C12orf42: variants seen among roughly 807,000 people sequenced by gnomAD.
C12orf42 encodes uncharacterized protein C12orf42.
In C12orf42, 25 loss-of-function variants were observed where a neutral mutation model predicts 21.6. The ratio of observed to expected loss-of-function variants is 1.16; its 90% CI spans 0.84 to 1.62. C12orf42 has a LOEUF of 1.62. Among genes scored for constraint, C12orf42 ranks in the 40% most tolerant of loss-of-function variants. The pLI is 0.00. For missense variants in C12orf42, 483 were observed against 459.3 expected, an observed-to-expected ratio of 1.05 and a Z score of -0.47; for synonymous variants, 174 against 175.0, an observed-to-expected ratio of 0.99 and a Z score of 0.05.
chr12:103,356,741 A>G (rs946110828), intron 4 of C12orf42, among the ~76,000 whole-genome samples: 2 of 151,832 alleles, frequency 1.3e-5, no homozygotes, highest in African/African-American at 4.8e-5. Flanking sequence ...ATGGTATCTC[A>G]TTGTGCTTTT....
intron 4 of C12orf42, among the ~76,000 whole-genome samples, chr12:103,316,157 A>G (rs1481904649): frequency 6.6e-6 from 1 of 151,304 alleles, no homozygotes. Context: ...ATATATATAT[A>G]CTGATACCAA....
intron 1 of C12orf42, among the ~76,000 whole-genome samples, chr12:103,494,112 A>T (rs1943730697): frequency 6.6e-6 from 1 of 152,198 alleles, no homozygotes; most frequent in African/African-American, 2.4e-5. Context: ...TTAAAATAAA[A>T]CAACCCTCTC....
the C12orf42 span, among the ~76,000 whole-genome samples, chr12:103,191,882 G>A: frequency 1.3e-5 from 2 of 152,090 alleles, no homozygotes; most frequent in Non-Finnish European, 2.9e-5. Context: ...AAAAGTTTGA[G>A]TTTTTGTATG....
chr12:103,486,507 A>G (rs1954843887), intron 1 of C12orf42, among the ~76,000 whole-genome samples: 1 of 151,408 alleles, frequency 6.6e-6, no homozygotes, highest in Non-Finnish European at 1.5e-5. Flanking sequence ...CTCTTTTTCT[A>G]TTGATTGGAA....
the C12orf42 span, among the ~76,000 whole-genome samples, chr12:103,146,140 T>A: frequency 1.3e-5 from 2 of 152,252 alleles, no homozygotes; most frequent in East Asian, 3.9e-4. Flanking sequence ...CCATACATAT[T>A]ATGTAATTAA....
intron 4 of C12orf42, among the ~76,000 whole-genome samples, chr12:103,342,791 G>A (rs1309914692): frequency 1.3e-5 from 2 of 151,824 alleles, no homozygotes; most frequent in Non-Finnish European, 2.9e-5. Flanking sequence ...TCTGAAGGTC[G>A]ACATTGATAG....
rs976512241 is a variant in C12orf42 at position 103,302,293 on chromosome 12, C to G, written c.898G>C (p.Asp300His). The G allele has an allele frequency of 1.4e-5, 22 of 1,613,318 alleles. No homozygotes were observed. In the African/African-American group the frequency reaches 2.8e-4, roughly 21 times the overall value. Residue 300 changes from aspartate to histidine, a missense_variant, in exon 6 of 6, where the codon GAC (aspartate) becomes CAC (histidine). Physicochemically the swap from Asp to His is moderately conservative, Grantham distance 81. Coordinates refer to ENST00000548883, the MANE Select transcript of C12orf42 (RefSeq NM_198521.5). ...GCCAGATTGCCATGGAGGGAGGTGTCCGCCTGAGGCCTCCTGTCCCGCGGG... is the reference window on the plus strand; with the variant it reads ...GCCAGATTGCCATGGAGGGAGGTGTGCGCCTGAGGCCTCCTGTCCCGCGGG... ...HTPRDRRPQA[D>H]TSLHGNLAGA...
chr12:103,197,788 G>A, the C12orf42 span, among the ~76,000 whole-genome samples: 1 of 152,134 alleles, frequency 6.6e-6, no homozygotes, highest in Non-Finnish European at 1.5e-5. Flanking sequence ...TATGAGTTGG[G>A]TTCAGTCAAC....
intron 4 of C12orf42, among the ~76,000 whole-genome samples, chr12:103,293,295 T>TA (rs147259477): frequency 0.056 from 8,463 of 152,070 alleles, 592 homozygotes; most frequent in African/African-American, 0.16. Context: ...ATGGATTTAT[T>TA]AAAAAACAAA....
chr12:103,336,100 T>C (rs2041666686), intron 4 of C12orf42, among the ~76,000 whole-genome samples: 1 of 152,200 alleles, frequency 6.6e-6, no homozygotes, highest in African/African-American at 2.4e-5. Context: ...ATCTTGAATA[T>C]TATATGAGAC....
At chr12:103,338,478 C>G (rs141809853) in intron 4 of C12orf42, among the ~76,000 whole-genome samples, 112 of 152,340 alleles carry the variant, frequency 7.4e-4, no homozygotes, top group African/African-American at 2.5e-3. Flanking sequence ...CAGTGTCTGG[C>G]TCTGGTACAG....
At chr12:103,546,352 T>C in the C12orf42 span, among the ~76,000 whole-genome samples, 1 of 152,238 alleles carries the variant, frequency 6.6e-6, no homozygotes, top group African/African-American at 2.4e-5. Flanking sequence ...GTCCTGTCAG[T>C]GTTCCCTCTG....
chr12:103,543,395 GC>G, the C12orf42 span, among the ~76,000 whole-genome samples: 2 of 152,168 alleles, frequency 1.3e-5, no homozygotes, highest in Non-Finnish European at 2.9e-5. Context: ...GATTGCTTGA[GC>G]CCAGGAGTTT....
intron 4 of C12orf42, among the ~76,000 whole-genome samples, chr12:103,350,661 A>T (rs1373462208): frequency 6.6e-6 from 1 of 152,124 alleles, no homozygotes. Flanking sequence ...TCCCCCATGG[A>T]TAAGAGGCAA....
chr12:103,231,517 T>C, the C12orf42 span, among the ~76,000 whole-genome samples: 3 of 152,242 alleles, frequency 2.0e-5, no homozygotes, highest in South Asian at 2.1e-4. Context: ...GAAAACTTCA[T>C]AGTTTTCACT....
the C12orf42 span, among the ~76,000 whole-genome samples, chr12:103,523,783 T>C: frequency 6.6e-6 from 1 of 151,766 alleles, no homozygotes; most frequent in Non-Finnish European, 1.5e-5. Context: ...ATCTTAAACC[T>C]TTCAACAACC....
intron 2 of C12orf42, among the ~76,000 whole-genome samples, chr12:103,425,921 T>C (rs1057075192): frequency 1.1e-4 from 16 of 141,460 alleles, no homozygotes; most frequent in Non-Finnish European, 1.7e-4. Flanking sequence ...ATCCACCAAC[T>C]CAAAAAAGGA....
intron 3 of C12orf42, among the ~76,000 whole-genome samples, chr12:103,387,904 CTTTT>C (rs937472396): frequency 6.6e-6 from 1 of 152,172 alleles, no homozygotes; most frequent in South Asian, 2.1e-4. Context: ...TTTCCTCTCT[CTTTT>C]TTTCTTTTTT....
At chr12:103,547,095 T>G in the C12orf42 span, among the ~76,000 whole-genome samples, 25 of 152,222 alleles carry the variant, frequency 1.6e-4, no homozygotes, top group Non-Finnish European at 3.1e-4. Flanking sequence ...AATAAATGTA[T>G]GTATGCTTTT....
Sources: gnomAD v4.1 joint callset for allele counts (sites outside exome capture counted in the v4.1 genomes callset) on GRCh38, gnomAD v4.1.1 for gene constraint, MANE v1.5 for transcripts, NCBI Gene and HGNC (gene_info 2026-07-23, HGNC 2026-07-21) for gene names.